SGSM1: variants seen among roughly 807,000 people sequenced by gnomAD.
SGSM1 encodes small G protein signaling modulator 1, also known as RUN and TBC1 domain containing 2.
Under a neutral mutation model 133.8 loss-of-function variants are expected in SGSM1, and 73 were observed. That is an observed-to-expected ratio of 0.55 (90% confidence interval 0.45 to 0.66). The LOEUF is 0.66. Ranked by LOEUF, SGSM1 falls within the 30% of genes least tolerant of loss-of-function variation. SGSM1 has a pLI of 0.00. For missense variants in SGSM1, 1,213 were observed against 1,448.1 expected, an observed-to-expected ratio of 0.84 and a Z score of 2.64; for synonymous variants, 563 against 573.0, an observed-to-expected ratio of 0.98 and a Z score of 0.25.
intron 22 of SGSM1, among the ~76,000 whole-genome samples, chr22:24,913,934 A>T (rs894812564): frequency 2.0e-5 from 3 of 152,116 alleles, no homozygotes; most frequent in Non-Finnish European, 4.4e-5. Context: ...AGGTGGGTGG[A>T]TCACGAGGTC....
intron 12 of SGSM1, among the ~76,000 whole-genome samples, chr22:24,871,492 C>T (rs1931761613): frequency 6.6e-6 from 1 of 152,140 alleles, no homozygotes; most frequent in African/African-American, 2.4e-5. Flanking sequence ...CACTGTGTGC[C>T]AGGCCCACTT....
intron 13 of SGSM1, among the ~76,000 whole-genome samples, chr22:24,878,548 A>G (rs961255525): frequency 9.9e-5 from 15 of 152,018 alleles, no homozygotes; most frequent in Admixed American, 2.0e-4. Context: ...GCCCCAGTCT[A>G]CCTGTTTTTC....
rs1454645053 is a variant in SGSM1 at position 24,868,288 on chromosome 22, C to T, written c.995-88C>T. ...CAGGATCCCTGGGTCTGGCTTGGCACCCCTGGGGGATGTGCTTGCAGGAAG... is the reference window on the plus strand; with the variant it reads ...CAGGATCCCTGGGTCTGGCTTGGCATCCCTGGGGGATGTGCTTGCAGGAAG... On this transcript the variant is annotated intron_variant, in intron 10 of 24. Transcript: ENST00000400358. The T allele has an allele frequency of 1.1e-5, 17 of 1,525,304 alleles. No individual in the cohort carries two copies. The East Asian group carries it at 3.2e-4, about 29-fold the overall frequency. The allele number at this position is 1,525,304 out of a possible 1,614,324, so 94.5% of individuals were successfully genotyped here.
chr22:24,910,223 T>C (rs77176623), intron 21 of SGSM1, among the ~76,000 whole-genome samples: 10 of 152,208 alleles, frequency 6.6e-5, no homozygotes, highest in South Asian at 2.1e-4. Context: ...TTCATTGATA[T>C]AGGGATTTTG....
intron 9 of SGSM1, among the ~76,000 whole-genome samples, chr22:24,863,073 G>A (rs1931244946): frequency 6.6e-6 from 1 of 152,196 alleles, no homozygotes; most frequent in Non-Finnish European, 1.5e-5. Flanking sequence ...GCCAAGCCCC[G>A]CCCCAGCGCA....
chr22:24,867,463 T>A (rs1931523991), intron 10 of SGSM1, among the ~76,000 whole-genome samples: 1 of 152,220 alleles, frequency 6.6e-6, no homozygotes, highest in African/African-American at 2.4e-5. Flanking sequence ...GCAGTGATAA[T>A]GTGCTAAGCA....
At chr22:24,900,361 T>TTC (rs1323596906) in intron 19 of SGSM1, among the ~76,000 whole-genome samples, 1 of 90,826 alleles carries the variant, frequency 1.1e-5, no homozygotes, top group Non-Finnish European at 2.1e-5. Flanking sequence ...CTTTCTTTCT[T>TTC]TCTTTCTTTC....
chr22:24,920,560 C>G (rs1602001020), intron 24 of SGSM1, among the ~76,000 whole-genome samples: 2 of 152,250 alleles, frequency 1.3e-5, no homozygotes, highest in South Asian at 4.1e-4. Context: ...TTACAGGAGA[C>G]AACATGGTTA....
chr22:24,866,580 CT>C (rs1345881781), intron 9 of SGSM1, among the ~76,000 whole-genome samples: 1 of 152,182 alleles, frequency 6.6e-6, no homozygotes, highest in African/African-American at 2.4e-5. Context: ...GACCTGCACT[CT>C]TTCCATCTCT....
At position 24,876,581 on chromosome 22, in the gene SGSM1, C is replaced by T. The variant is rs1354932265; in HGVS notation, c.1296C>T (p.Pro432=). ...CCCTCCTTCTATCCACCACAGTGCC[C>T]CAGGATCTGATGGACGTCTCTGTAA... ...IYPGMQSEFV[P]QDLMDVSVSN... is the part of the protein sequence containing the mutation. The change falls in exon 13 of 25, where the codon CCC becomes CCT. Residue 432 remains proline (P), a synonymous_variant. Coordinates refer to ENST00000400358, the MANE Select transcript of SGSM1 (RefSeq NM_001098497.3). The T allele has an allele frequency of 1.9e-6, 3 of 1,613,998 alleles. No homozygotes were observed. The highest frequency in any genetic ancestry group is 1.7e-5 in the Admixed American group (1 of 60,026).
intron 14 of SGSM1, among the ~76,000 whole-genome samples, chr22:24,881,703 A>ATCC (rs1239196749): frequency 1.3e-5 from 2 of 152,144 alleles, no homozygotes; most frequent in African/African-American, 4.8e-5. Flanking sequence ...CATCATCATC[A>ATCC]TCCTCCTCCT....
intron 2 of SGSM1, among the ~76,000 whole-genome samples, chr22:24,813,203 G>A (rs1927850875): frequency 6.6e-6 from 1 of 152,234 alleles, no homozygotes; most frequent in Admixed American, 6.5e-5. Flanking sequence ...TGAGGCTGGA[G>A]TGAAGTAAAC....
intron 12 of SGSM1, among the ~76,000 whole-genome samples, chr22:24,875,641 GA>G (rs61221092): frequency 0.13 from 15,871 of 119,266 alleles, 932 homozygotes; most frequent in South Asian, 0.28. Flanking sequence ...CTCCATCTCA[GA>G]AAAAAAAAAA....
chr22:24,917,871 G>A (rs1933874868), intron 23 of SGSM1, 117 bp downstream of exon 23: 3 of 742,516 alleles, frequency 4.0e-6, no homozygotes, highest in South Asian at 1.8e-5. Flanking sequence ...GAGGAGAGAA[G>A]CACATGTTTA....
intron 9 of SGSM1, 142 bp from the exon 10 acceptor site, chr22:24,866,951 T>G (rs1441360512): frequency 2.7e-6 from 2 of 736,230 alleles, no homozygotes; most frequent in Non-Finnish European, 2.3e-6. Flanking sequence ...GGAGATAGAG[T>G]CTGGGCAGGC....
At chr22:24,879,805 G>T (rs1932229262) in intron 14 of SGSM1, among the ~76,000 whole-genome samples, 1 of 152,150 alleles carries the variant, frequency 6.6e-6, no homozygotes, top group East Asian at 1.9e-4. Flanking sequence ...ATCCCCAGGT[G>T]CTACAGTGGA....
In SGSM1 at chr22:24,838,951, A is replaced by C. The variant is rs537572425; in HGVS notation, c.64-5946A>C. Among the ~76,000 whole-genome samples, 92 of 147,678 alleles carry C rather than the reference A, an allele frequency of 6.2e-4. 4 individuals are homozygous for C. The highest frequency in any genetic ancestry group is 5.5e-3 in the South Asian group (26 of 4,714). ...CTGCAAAAAAAAAAGCACCATTGGG[A>C]TTTTGATAGAAATTTCATTAAATCT... On this transcript the variant is annotated intron_variant, in intron 2 of 24. Transcript: ENST00000400358.
In SGSM1 at chr22:24,867,108, T is replaced by C. The variant is rs1481982199; in HGVS notation, c.942T>C (p.Tyr314=). The C allele has an allele frequency of 4.3e-6, 7 of 1,613,660 alleles. No homozygotes were observed. The highest frequency in any genetic ancestry group is 1.1e-5 in the South Asian group (1 of 91,044). The change falls in exon 10 of 25, where the codon TAT becomes TAC. Residue 314 remains tyrosine (Y), a synonymous_variant. Coordinates refer to ENST00000400358, the MANE Select transcript of SGSM1 (RefSeq NM_001098497.3). ...CCGCTTCCAGCGTCTACTGGGACTA[T>C]GCCATGACCATCCGCTTGGAGGAGA... The part of the protein sequence containing the change: ...LDYEKSVYWD[Y]AMTIRLEEIV...
At chr22:24,863,452 C>T (rs772554307) in intron 9 of SGSM1, among the ~76,000 whole-genome samples, 6 of 151,994 alleles carry the variant, frequency 3.9e-5, no homozygotes, top group Non-Finnish European at 7.4e-5. Context: ...CCACCGCGCC[C>T]GGCCATCGTA....
Sources: gnomAD v4.1 joint callset for allele counts (sites outside exome capture counted in the v4.1 genomes callset) on GRCh38, gnomAD v4.1.1 for gene constraint, MANE v1.5 for transcripts, NCBI Gene and HGNC (gene_info 2026-07-23, HGNC 2026-07-21) for gene names.